The following INSR variants were observed in gnomAD, a reference collection of about 807,000 sequenced individuals.
INSR encodes the protein IR.
Under a neutral mutation model 142.6 loss-of-function variants are expected in INSR, and 67 were observed. The observed-to-expected ratio is 0.47, with a 90% CI of 0.39 to 0.58. The LOEUF (loss-of-function observed/expected upper bound fraction) is 0.58, where lower values mean the gene tolerates loss of function less well. Among genes scored for constraint, INSR ranks in the 20% least tolerant of loss-of-function variants. The pLI is 0.00. For missense variants in INSR, 1,248 were observed against 1,833.2 expected, an observed-to-expected ratio of 0.68 and a Z score of 5.83; for synonymous variants, 756 against 743.1, an observed-to-expected ratio of 1.02 and a Z score of -0.28.
At chr19:7,291,141 C>G (rs745704659) in intron 1 of INSR, among the ~76,000 whole-genome samples, 5 of 152,170 alleles carry the variant, frequency 3.3e-5, no homozygotes, top group Non-Finnish European at 7.3e-5. Flanking sequence ...CTCCCCAAGC[C>G]TTCAAGAGGC....
intron 1 of INSR, among the ~76,000 whole-genome samples, chr19:7,280,726 AAAC>A (rs1452640750): frequency 6.7e-6 from 1 of 149,204 alleles, no homozygotes; most frequent in African/African-American, 2.6e-5. Context: ...TCAAAAAAAA[AAAC>A]AAAAAACCCA....
intron 1 of INSR, among the ~76,000 whole-genome samples, chr19:7,291,229 G>T (rs971076941): frequency 1.4e-4 from 21 of 152,122 alleles, no homozygotes; most frequent in South Asian, 1.0e-3. Flanking sequence ...GGACTCAAAA[G>T]AACAAAGATT....
intron 13 of INSR, among the ~76,000 whole-genome samples, chr19:7,134,960 A>G (rs1972872156): frequency 8.6e-6 from 1 of 116,708 alleles, no homozygotes; most frequent in South Asian, 3.1e-4. Context: ...GAATAAGACC[A>G]TGAAACCTGC....
At chr19:7,226,828 A>T (rs1309995100) in intron 2 of INSR, among the ~76,000 whole-genome samples, 1 of 151,972 alleles carries the variant, frequency 6.6e-6, no homozygotes, top group African/African-American at 2.4e-5. Context: ...CAAATTGCAA[A>T]AATGGCTGAT....
In INSR at chr19:7,291,033, G is replaced by A. The variant is rs1968479909; in HGVS notation, c.100+2759C>T. Among the ~76,000 whole-genome samples, 8 of 151,926 alleles carry A rather than the reference G, an allele frequency of 5.3e-5. No individual in the cohort carries two copies. In the South Asian group the frequency reaches 1.7e-3, roughly 32 times the overall value. ...TGCAGTGAGCTGAGATCGTGCCACT[G>A]CACTCCAGCCTGGGTGACAGAGCAA... is the stretch of plus-strand genomic sequence containing the variant. On this transcript the variant is annotated intron_variant, in intron 1 of 21. Transcript: ENST00000302850.
chr19:7,213,341 C>CAAAAAAAAAAAA (rs11343255), intron 2 of INSR, among the ~76,000 whole-genome samples: 1 of 100,628 alleles, frequency 9.9e-6, no homozygotes, highest in Non-Finnish European at 2.0e-5. Context: ...GACTCCATCT[C>CAAAAAAAAAAAA]AAAAAAAAAA....
rs559379232 is a variant in INSR at position 7,272,566 on chromosome 19, T to C, written c.101-4670A>G. On this transcript the variant is annotated intron_variant, in intron 1 of 21. Coordinates refer to ENST00000302850, the MANE Select transcript of INSR (RefSeq NM_000208.4). ...CTAGGAGGCGGACGTTGCAGTGAGC[T>C]GAGATCGTGCCTTTGCACTCCAGCC... Among the ~76,000 whole-genome samples, 20 of 152,060 alleles carry C rather than the reference T, an allele frequency of 1.3e-4. No homozygotes were observed. In the South Asian group the frequency reaches 1.9e-3, roughly 14 times the overall value.
At position 7,125,546 on chromosome 19, in the gene INSR, C is replaced by G; in HGVS notation, c.3014-19G>C. The G allele has an allele frequency of 6.2e-7, 1 of 1,612,072 alleles. No homozygotes were observed. Among genetic ancestry groups the G allele is most frequent in the Non-Finnish European group, 8.5e-7 (1 of 1,179,996 alleles). On this transcript the variant is annotated intron_variant, in intron 16 of 21. Coordinates refer to ENST00000302850, the MANE Select transcript of INSR (RefSeq NM_000208.4). The surrounding 1 kb of genome is among the most constrained non-coding windows in gnomAD (Gnocchi z 4.9). ...GGAAACACTACTTCTTACTTATCTA[C>G]ACAGCATCCTTGGAGGATCCCTTGG...
At chr19:7,248,505 A>AAAG (rs1976603691) in intron 2 of INSR, among the ~76,000 whole-genome samples, 1 of 130,386 alleles carries the variant, frequency 7.7e-6, no homozygotes. Flanking sequence ...AAAAAAAAAA[A>AAAG]AAAGCATGAC....
intron 11 of INSR, among the ~76,000 whole-genome samples, chr19:7,147,156 A>G (rs1316453923): frequency 6.6e-6 from 1 of 151,914 alleles, no homozygotes; most frequent in East Asian, 1.9e-4. Flanking sequence ...GGCCCGATAG[A>G]TATGTAAGTG....
At chr19:7,158,788 T>TATA (rs1973677638) in intron 9 of INSR, among the ~76,000 whole-genome samples, 1 of 152,192 alleles carries the variant, frequency 6.6e-6, no homozygotes, top group African/African-American at 2.4e-5. Flanking sequence ...GGTAACAACA[T>TATA]ATACACTAGT....
intron 2 of INSR, among the ~76,000 whole-genome samples, chr19:7,233,668 C>CTTTTTTTTTTTTT (rs35763064): frequency 7.3e-4 from 53 of 72,410 alleles, no homozygotes; most frequent in Non-Finnish European, 9.3e-4. Context: ...CTTTTTCTGT[C>CTTTTTTTTTTTTT]TTTTTTTTTT....
chr19:7,287,399 G>A (rs1968373077), intron 1 of INSR, among the ~76,000 whole-genome samples: 1 of 151,036 alleles, frequency 6.6e-6, no homozygotes, highest in Admixed American at 6.6e-5. Context: ...GACCTCAAGT[G>A]ATCCACCCAC....
intron 1 of INSR, among the ~76,000 whole-genome samples, chr19:7,281,746 T>C (rs1968208748): frequency 6.6e-6 from 1 of 152,016 alleles, no homozygotes; most frequent in South Asian, 2.1e-4. Flanking sequence ...TACTCTCGAG[T>C]CCCTTCCTGT....
chr19:7,207,006 A>G (rs889583829), intron 2 of INSR, among the ~76,000 whole-genome samples: 1 of 152,152 alleles, frequency 6.6e-6, no homozygotes, highest in African/African-American at 2.4e-5. Flanking sequence ...TAGCCTCCTA[A>G]GGAAACCATA....
intron 9 of INSR, among the ~76,000 whole-genome samples, chr19:7,157,833 C>T (rs8102612): frequency 0.098 from 14,799 of 151,584 alleles, 2,383 homozygotes; most frequent in African/African-American, 0.34. Context: ...AGCTCTAAAT[C>T]GTGTATCAAG....
At position 7,116,891 on chromosome 19, in the gene INSR, G is replaced by T; in HGVS notation, c.*165C>A. ...ATCCTCTGCAGGACTAGTTAAATTG[G>T]TAACCAAACGAGTCCACCTTAAGAT... On this transcript the variant is annotated 3_prime_UTR_variant, in exon 22 of 22. Transcript: ENST00000302850. 1 of 656,872 alleles carries T rather than the reference G, an allele frequency of 1.5e-6. No homozygotes were observed. Among genetic ancestry groups the T allele is most frequent in the Non-Finnish European group, 2.7e-6 (1 of 364,164 alleles). 40.7% of individuals were successfully genotyped at this position (656,872 alleles called of 1,614,324 possible). A position where few individuals can be genotyped will look rare whatever the true frequency, so the allele number is the denominator to read the frequency against.
intron 1 of INSR, among the ~76,000 whole-genome samples, chr19:7,270,938 C>T (rs527928878): frequency 4.1e-4 from 62 of 149,866 alleles, no homozygotes; most frequent in African/African-American, 1.4e-3. Context: ...GGCGGGCACC[C>T]GTAGTGGCAA....
At chr19:7,284,888 A>G (rs1005024953) in intron 1 of INSR, among the ~76,000 whole-genome samples, 5 of 152,194 alleles carry the variant, frequency 3.3e-5, no homozygotes, top group Non-Finnish European at 7.3e-5. Context: ...TGAAGCAAGA[A>G]GGTGGAATGC....
Sources: gnomAD v4.1 joint callset for allele counts (sites outside exome capture counted in the v4.1 genomes callset) on GRCh38, gnomAD v4.1.1 for gene constraint, Gnocchi (gnomAD v3.1) non-coding constraint, MANE v1.5 for transcripts, NCBI Gene and HGNC (gene_info 2026-07-23, HGNC 2026-07-21) for gene names.